The following SUZ12 variants were observed in gnomAD, a reference collection of about 807,000 sequenced individuals.
SUZ12 encodes SUZ12 polycomb repressive complex 2 subunit.
SUZ12 carries 17 observed loss-of-function variants against 87.3 expected under a neutral mutation model. That is an observed-to-expected ratio of 0.19 (90% CI 0.13 to 0.29). The LOEUF is 0.29. Among genes scored for constraint, SUZ12 ranks in the 10% least tolerant of loss-of-function variants. The pLI is 1.00. For synonymous variants in SUZ12, 253 were observed against 312.4 expected, an observed-to-expected ratio of 0.81 and a Z score of 2.01; for missense variants, 526 against 912.2, an observed-to-expected ratio of 0.58 and a Z score of 5.45.
At chr17:31,993,745 A>G (rs1204986775) in intron 11 of SUZ12, 120 bp from the exon 12 acceptor site, 1 of 1,067,046 alleles carries the variant, frequency 9.4e-7, no homozygotes, top group African/African-American at 1.6e-5. Context: ...AATTAAAGAG[A>G]ATATCTCTAA....
chr17:31,970,767 A>G (rs1234829242), intron 5 of SUZ12, among the ~76,000 whole-genome samples: 1 of 151,574 alleles, frequency 6.6e-6, no homozygotes, highest in South Asian at 2.1e-4. Flanking sequence ...ATTCCATTGC[A>G]CTCTAGCCTG....
intron 4 of SUZ12, among the ~76,000 whole-genome samples, chr17:31,956,443 C>T (rs1450535096): frequency 6.6e-6 from 1 of 152,186 alleles, no homozygotes; most frequent in Non-Finnish European, 1.5e-5. Context: ...CCCACCTCAA[C>T]CTCCCAAACT....
At chr17:31,993,437 T>C in intron 11 of SUZ12, 104 bp downstream of exon 11, 1 of 828,282 alleles carries the variant, frequency 1.2e-6, no homozygotes, top group Non-Finnish European at 1.9e-6. Context: ...TATTTATTTA[T>C]TTGAGACAGG....
intron 9 of SUZ12, among the ~76,000 whole-genome samples, chr17:31,986,202 A>G (rs1471757778): frequency 6.6e-6 from 1 of 152,182 alleles, no homozygotes; most frequent in African/African-American, 2.4e-5. Flanking sequence ...TCGGCATCCC[A>G]AAGTGCTGGG....
At chr17:31,943,913 G>T (rs930221138) in intron 3 of SUZ12, among the ~76,000 whole-genome samples, 2 of 151,926 alleles carry the variant, frequency 1.3e-5, no homozygotes, top group African/African-American at 4.8e-5. Flanking sequence ...GGTCAGGCTG[G>T]TCTCAAACTC....
chr17:31,962,254 A>T (rs140537146), intron 4 of SUZ12, among the ~76,000 whole-genome samples: 183 of 152,096 alleles, frequency 1.2e-3, no homozygotes, highest in African/African-American at 4.0e-3. Context: ...TGGGCAACAT[A>T]GCGAGACCCT....
At chr17:31,950,944 C>A (rs1490685676) in intron 4 of SUZ12, among the ~76,000 whole-genome samples, 2 of 152,196 alleles carry the variant, frequency 1.3e-5, no homozygotes, top group East Asian at 3.9e-4. Flanking sequence ...CCTTGCCCAG[C>A]TAATTTTTTG....
At chr17:31,963,384 C>T (rs894830162) in intron 4 of SUZ12, among the ~76,000 whole-genome samples, 3 of 152,118 alleles carry the variant, frequency 2.0e-5, no homozygotes, top group South Asian at 4.1e-4. Flanking sequence ...ACCTCGTGAT[C>T]CACCCGCCTC....
At chr17:31,984,326 A>G (rs192060158) in intron 9 of SUZ12, among the ~76,000 whole-genome samples, 6 of 152,226 alleles carry the variant, frequency 3.9e-5, no homozygotes, top group South Asian at 2.1e-4. Context: ...AATTGTGACA[A>G]CTCTTCTCCA....
At chr17:31,964,443 G>C (rs1189282321) in intron 4 of SUZ12, among the ~76,000 whole-genome samples, 1 of 149,530 alleles carries the variant, frequency 6.7e-6, no homozygotes, top group African/African-American at 2.5e-5. Flanking sequence ...GTCTCCCCCT[G>C]TCACCCAGGC....
intron 1 of SUZ12, among the ~76,000 whole-genome samples, chr17:31,939,761 G>C (rs1906163276): frequency 6.6e-6 from 1 of 152,028 alleles, no homozygotes; most frequent in Non-Finnish European, 1.5e-5. Context: ...CCCGACCTTA[G>C]GTGATCTGCC....
rs796410623 is a variant in SUZ12 at position 31,942,497 on chromosome 17, G to A, written c.386+2011G>A. Among the ~76,000 whole-genome samples, 6 of 152,050 alleles carry A rather than the reference G, an allele frequency of 3.9e-5. 1 individual carries two copies. Among genetic ancestry groups the A allele is most frequent in the African/African-American group, 1.4e-4 (6 of 41,462 alleles). On this transcript the variant is annotated intron_variant, in intron 3 of 15. Transcript: ENST00000322652. ...ATTACAGGTGCCCACCACCACGCCT[G>A]GCTAATTTTTTGTATTTTTCATGAA...
At chr17:31,937,585 C>T (rs1906017627) in intron 1 of SUZ12, 65 bp downstream of exon 1, 5 of 1,520,242 alleles carry the variant, frequency 3.3e-6, no homozygotes, top group Non-Finnish European at 4.4e-6. Flanking sequence ...ATGGGACACT[C>T]TGCTGGGCCC....
At chr17:31,968,761 C>G (rs750202885) in intron 5 of SUZ12, among the ~76,000 whole-genome samples, 1 of 152,098 alleles carries the variant, frequency 6.6e-6, no homozygotes, top group East Asian at 1.9e-4. Flanking sequence ...GACTTTAATT[C>G]TTCAGAAACT....
At position 31,965,962 on chromosome 17, in the gene SUZ12, T is replaced by G. The variant is rs1333639075; in HGVS notation, c.456-185T>G. ...TGTTGTTTATTTTTTGTTAGGTGTATAGACACACTTTTGGATGTCATATTT... is the reference window on the plus strand; with the variant it reads ...TGTTGTTTATTTTTTGTTAGGTGTAGAGACACACTTTTGGATGTCATATTT... On this transcript the variant is annotated intron_variant, in intron 4 of 15. Coordinates refer to ENST00000322652, the MANE Select transcript of SUZ12 (RefSeq NM_015355.4). 8 of 525,096 alleles carry G rather than the reference T, an allele frequency of 1.5e-5. No homozygotes were observed. The East Asian group carries it at 2.6e-4, about 17-fold the overall frequency. The allele number at this position is 525,096 out of a possible 1,614,324, so 32.5% of individuals were successfully genotyped here.
chr17:31,987,240 T>A (rs1482731631), intron 9 of SUZ12, among the ~76,000 whole-genome samples: 2 of 152,206 alleles, frequency 1.3e-5, no homozygotes, highest in Admixed American at 6.5e-5. Flanking sequence ...GGAAAGTGTT[T>A]TAGAAGAAAA....
intron 3 of SUZ12, among the ~76,000 whole-genome samples, chr17:31,945,793 A>G (rs1380960878): frequency 2.0e-5 from 3 of 152,178 alleles, no homozygotes; most frequent in African/African-American, 4.8e-5. Flanking sequence ...GGTAGAAGAG[A>G]TGAACCTTAG....
chr17:31,989,170 G>A (rs1401703443), intron 10 of SUZ12, among the ~76,000 whole-genome samples: 1 of 152,008 alleles, frequency 6.6e-6, no homozygotes, highest in Non-Finnish European at 1.5e-5. Context: ...TGATCTGCCC[G>A]CCTCAGTCTC....
At chr17:31,950,456 G>A (rs1906901429) in intron 4 of SUZ12, among the ~76,000 whole-genome samples, 1 of 152,018 alleles carries the variant, frequency 6.6e-6, no homozygotes, top group Non-Finnish European at 1.5e-5. Flanking sequence ...GGCTGAGGTG[G>A]GTGGATCACT....
Sources: gnomAD v4.1 joint callset for allele counts (sites outside exome capture counted in the v4.1 genomes callset) on GRCh38, gnomAD v4.1.1 for gene constraint, MANE v1.5 for transcripts, NCBI Gene and HGNC (gene_info 2026-07-23, HGNC 2026-07-21) for gene names.